IL1RAPL2: variants seen among roughly 807,000 people sequenced by gnomAD.
IL1RAPL2 encodes interleukin 1 receptor accessory protein like 2, also known as X-linked interleukin-1 receptor accessory protein-like 2.
In IL1RAPL2, 3 loss-of-function variants were observed where a neutral mutation model predicts 44.1. The ratio of observed to expected loss-of-function variants is 0.07; its 90% CI spans 0.03 to 0.18. The LOEUF (loss-of-function observed/expected upper bound fraction) is 0.18, where lower values mean the gene tolerates loss of function less well. IL1RAPL2 is among the 10% of genes least tolerant of loss of function. The pLI, the probability that IL1RAPL2 is intolerant of heterozygous loss-of-function variation, is 1.00. For missense variants in IL1RAPL2, 391 were observed against 496.4 expected, an observed-to-expected ratio of 0.79 and a Z score of 2.02; for synonymous variants, 181 against 178.8, an observed-to-expected ratio of 1.01 and a Z score of -0.10.
chrX:104,716,872 C>T (rs1443836138), intron 2 of IL1RAPL2, among the ~76,000 whole-genome samples: 1 of 111,827 alleles, frequency 8.9e-6, no homozygotes, highest in Non-Finnish European at 1.9e-5. Flanking sequence ...GACACTTCCT[C>T]AAAGACCTAA....
chrX:105,397,308 G>A (rs1369148076), intron 5 of IL1RAPL2, among the ~76,000 whole-genome samples: 10 of 111,130 alleles, frequency 9.0e-5, no homozygotes, highest in Non-Finnish European at 7.6e-5. Context: ...AGAAAAACTG[G>A]CTTCCATGAA....
chrX:104,619,108 C>A (rs1430972280), intron 1 of IL1RAPL2, among the ~76,000 whole-genome samples: 2 of 111,963 alleles, frequency 1.8e-5, no homozygotes, highest in Non-Finnish European at 3.8e-5. Flanking sequence ...GTGCCTACTT[C>A]TGAAACCCTT....
intron 2 of IL1RAPL2, among the ~76,000 whole-genome samples, chrX:105,140,015 G>A (rs1000610099): frequency 1.8e-5 from 2 of 111,867 alleles, no homozygotes; most frequent in African/African-American, 6.5e-5. Flanking sequence ...ATCAGGCATC[G>A]AATGGTTCAC....
chrX:105,719,746 TA>T (rs3038940), intron 7 of IL1RAPL2, among the ~76,000 whole-genome samples: 4,686 of 99,653 alleles, frequency 0.047, 263 homozygotes, highest in African/African-American at 0.15. Flanking sequence ...CTGTTTTTCT[TA>T]AAAAAAAAAA....
intron 5 of IL1RAPL2, among the ~76,000 whole-genome samples, chrX:105,325,532 C>G (rs1407360654): frequency 1.4e-5 from 1 of 73,205 alleles, no homozygotes; most frequent in Non-Finnish European, 2.3e-5. Context: ...CATTTTATCT[C>G]TCTTGGTTTT....
intron 6 of IL1RAPL2, among the ~76,000 whole-genome samples, chrX:105,657,868 G>GGATTA (rs2037687249): frequency 9.1e-6 from 1 of 110,133 alleles, no homozygotes; most frequent in African/African-American, 3.3e-5. Context: ...ACCCACCTCG[G>GGATTA]CCTCCCAAAG....
At chrX:105,047,746 A>T (rs888045117) in intron 2 of IL1RAPL2, among the ~76,000 whole-genome samples, 3 of 111,825 alleles carry the variant, frequency 2.7e-5, no homozygotes, top group African/African-American at 9.8e-5. Context: ...TTCAATATTC[A>T]TACCTTTGAA....
At chrX:104,625,803 C>A (rs927920231) in intron 1 of IL1RAPL2, among the ~76,000 whole-genome samples, 9 of 111,422 alleles carry the variant, frequency 8.1e-5, no homozygotes, top group Non-Finnish European at 1.1e-4. Context: ...GTGGATAAAA[C>A]TTTAACCCAG....
chrX:104,988,526 C>T (rs776698656), intron 2 of IL1RAPL2, among the ~76,000 whole-genome samples: 46 of 111,780 alleles, frequency 4.1e-4, no homozygotes, highest in Non-Finnish European at 7.7e-4. Flanking sequence ...TAGGAAGGTG[C>T]CAATATATAG....
chrX:105,497,185 C>T (rs2036361933), intron 6 of IL1RAPL2, among the ~76,000 whole-genome samples: 1 of 110,955 alleles, frequency 9.0e-6, no homozygotes, highest in Non-Finnish European at 1.9e-5. Flanking sequence ...CTATTATTAG[C>T]AGGACAAAAA....
At chrX:105,464,440 A>G (rs1486040177) in intron 5 of IL1RAPL2, among the ~76,000 whole-genome samples, 1 of 111,646 alleles carries the variant, frequency 9.0e-6, no homozygotes, top group Non-Finnish European at 1.9e-5. Flanking sequence ...CATAGAATGA[A>G]ACCAATTTTA....
chrX:105,469,306 A>G (rs1193596469), intron 5 of IL1RAPL2, among the ~76,000 whole-genome samples: 1 of 110,494 alleles, frequency 9.1e-6, no homozygotes, highest in Non-Finnish European at 1.9e-5. Context: ...AAAGGGGAAG[A>G]GCTTTTAGAA....
rs1249776943 is a variant in IL1RAPL2, at chrX:105,542,735, TATTA to T, written c.772+58349_772+58352del. Among the ~76,000 whole-genome samples, 57 of 88,587 alleles carry T rather than the reference TATTA, an allele frequency of 6.4e-4. 1 individual carries two copies. Among genetic ancestry groups the T allele is most frequent in the Middle Eastern group, 0.012 (2 of 162 alleles). The allele number at this position is 88,587 out of a possible 115,157, so 76.9% of individuals were successfully genotyped here. On this transcript the variant is annotated intron_variant, in intron 6 of 10. Transcript: ENST00000372582. ...TATTTATTTATTTATTTATTTAATT[TATTA>T]TTTTTTTTTTTTGAGACGGAGTCTC...
At chrX:104,861,586 T>A (rs1362299215) in intron 2 of IL1RAPL2, among the ~76,000 whole-genome samples, 2 of 111,118 alleles carry the variant, frequency 1.8e-5, no homozygotes, top group Non-Finnish European at 3.8e-5. Flanking sequence ...TATGGTGTGG[T>A]AGGTTCTATA....
chrX:104,660,848 T>C (rs1004262118), intron 2 of IL1RAPL2, among the ~76,000 whole-genome samples: 3 of 107,757 alleles, frequency 2.8e-5, no homozygotes, highest in African/African-American at 1.0e-4. Context: ...GGTGAGAGTA[T>C]GGCTTCAGCC....
chrX:104,956,113 G>A (rs763394657), intron 2 of IL1RAPL2, among the ~76,000 whole-genome samples: 52 of 112,144 alleles, frequency 4.6e-4, no homozygotes, highest in Middle Eastern at 4.7e-3. Flanking sequence ...AAAAGAGCCT[G>A]ATCTCTTCTG....
At chrX:104,878,792 TA>T (rs1260596732) in intron 2 of IL1RAPL2, among the ~76,000 whole-genome samples, 1 of 111,936 alleles carries the variant, frequency 8.9e-6, no homozygotes, top group Non-Finnish European at 1.9e-5. Context: ...AGGATAATTC[TA>T]AAAAATATTA....
chrX:105,629,387 A>G (rs899690528), intron 6 of IL1RAPL2, among the ~76,000 whole-genome samples: 1 of 111,856 alleles, frequency 8.9e-6, no homozygotes, highest in African/African-American at 3.3e-5. Flanking sequence ...GATGGCAAGG[A>G]GACAGAAGAA....
At chrX:105,300,693 G>A (rs916382439) in intron 5 of IL1RAPL2, among the ~76,000 whole-genome samples, 1 of 110,901 alleles carries the variant, frequency 9.0e-6, no homozygotes, top group African/African-American at 3.3e-5. Flanking sequence ...AGGTTTCTGA[G>A]CCCCGACATC....
Sources: gnomAD v4.1 joint callset for allele counts (sites outside exome capture counted in the v4.1 genomes callset) on GRCh38, gnomAD v4.1.1 for gene constraint, MANE v1.5 for transcripts, NCBI Gene and HGNC (gene_info 2026-07-23, HGNC 2026-07-21) for gene names.